BFSP2: variants seen among roughly 807,000 people sequenced by gnomAD.
The protein encoded by BFSP2 is beaded filament structural protein 2.
In BFSP2, 38 loss-of-function variants were observed where a neutral mutation model predicts 44.9. The ratio of observed to expected loss-of-function variants is 0.85; its 90% CI spans 0.65 to 1.11. The LOEUF (loss-of-function observed/expected upper bound fraction) is 1.11. BFSP2 is among the 50% of genes least tolerant of loss of function. The pLI is 0.00. For synonymous variants in BFSP2, 197 were observed against 209.9 expected (o/e 0.94, Z 0.53); for missense variants, 525 against 533.0 (o/e 0.99, Z 0.15).
chr3:133,470,814 G>A (rs570398598), intron 5 of BFSP2, among the ~76,000 whole-genome samples: 1 of 152,216 alleles, frequency 6.6e-6, no homozygotes, highest in Non-Finnish European at 1.5e-5. Context: ...ACTGTGATAA[G>A]TTCAAGAGCA....
rs115948875 is a variant in BFSP2, at chr3:133,460,403, G to C, written c.892-6425G>C. Among the ~76,000 whole-genome samples the C allele has an allele frequency of 2.9e-3, 436 of 152,224 alleles. 3 individuals are homozygous for C. Among genetic ancestry groups the C allele is most frequent in the African/African-American group, 0.01 (425 of 41,542 alleles). On this transcript the variant is annotated intron_variant, in intron 4 of 6. Coordinates refer to ENST00000302334, the MANE Select transcript of BFSP2 (RefSeq NM_003571.4). ...TTTGAACTGGACAGACCACATGAATGGGGGGACCTTAATTTGGTTTTTAAA... is the reference window on the plus strand; with the variant it reads ...TTTGAACTGGACAGACCACATGAATCGGGGGACCTTAATTTGGTTTTTAAA...
At chr3:133,406,766 T>A (rs2073408192) in intron 1 of BFSP2, among the ~76,000 whole-genome samples, 1 of 151,950 alleles carries the variant, frequency 6.6e-6, no homozygotes, top group South Asian at 2.1e-4. Context: ...GTCAATATGA[T>A]TAGACAAGAG....
intron 6 of BFSP2, 88 bp from the exon 7 acceptor site, chr3:133,474,881 A>AGATG: frequency 6.5e-7 from 1 of 1,526,952 alleles, no homozygotes; most frequent in Non-Finnish European, 9.1e-7. Context: ...TTCTTTCATG[A>AGATG]GATGGCCCCC....
chr3:133,433,118 C>G (rs557436640), intron 1 of BFSP2, among the ~76,000 whole-genome samples: 2 of 152,304 alleles, frequency 1.3e-5, no homozygotes, highest in African/African-American at 4.8e-5. Flanking sequence ...TACTATTGTT[C>G]CTGGCCAGGA....
At chr3:133,423,570 G>A (rs2073614378) in intron 1 of BFSP2, among the ~76,000 whole-genome samples, 1 of 149,802 alleles carries the variant, frequency 6.7e-6, no homozygotes, top group Admixed American at 6.6e-5. Context: ...GGCGGCGGGG[G>A]CGGGGGTAGG....
At chr3:133,428,593 C>T (rs780361563) in intron 1 of BFSP2, among the ~76,000 whole-genome samples, 1 of 152,200 alleles carries the variant, frequency 6.6e-6, no homozygotes, top group Non-Finnish European at 1.5e-5. Flanking sequence ...AGGTCCCACG[C>T]GAATTTCTGA....
chr3:133,452,274 C>T (rs1260021402), intron 4 of BFSP2, among the ~76,000 whole-genome samples: 1 of 152,234 alleles, frequency 6.6e-6, no homozygotes, highest in East Asian at 1.9e-4. Context: ...GCAGGGTCTT[C>T]ATCAATTCTG....
intron 1 of BFSP2, among the ~76,000 whole-genome samples, chr3:133,444,123 T>A (rs2073871754): frequency 6.6e-6 from 1 of 151,796 alleles, no homozygotes; most frequent in African/African-American, 2.4e-5. Flanking sequence ...TACATATATA[T>A]ATATCAAGCC....
At chr3:133,406,691 G>A (rs2107876881) in intron 1 of BFSP2, among the ~76,000 whole-genome samples, 1 of 152,102 alleles carries the variant, frequency 6.6e-6, no homozygotes, top group Non-Finnish European at 1.5e-5. Flanking sequence ...GGAAACACTA[G>A]GCCTTCCACA....
intron 1 of BFSP2, among the ~76,000 whole-genome samples, chr3:133,422,294 C>T (rs1449978500): frequency 1.3e-5 from 2 of 152,122 alleles, no homozygotes; most frequent in African/African-American, 4.8e-5. Flanking sequence ...GTTTTCTTAA[C>T]TGTTAGATAA....
At chr3:133,421,061 T>A (rs370442137) in intron 1 of BFSP2, among the ~76,000 whole-genome samples, 76 of 152,314 alleles carry the variant, frequency 5.0e-4, no homozygotes, top group African/African-American at 1.8e-3. Flanking sequence ...TGGCTGGAGA[T>A]AATGCATGTA....
At chr3:133,459,746 G>C (rs2074045078) in intron 4 of BFSP2, among the ~76,000 whole-genome samples, 1 of 152,230 alleles carries the variant, frequency 6.6e-6, no homozygotes, top group South Asian at 2.1e-4. Flanking sequence ...AAGGTCGGGA[G>C]TGTGTGCTGC....
intron 1 of BFSP2, among the ~76,000 whole-genome samples, chr3:133,444,225 G>C (rs1229837142): frequency 6.6e-6 from 1 of 151,916 alleles, no homozygotes; most frequent in Non-Finnish European, 1.5e-5. Context: ...AAATTCATTC[G>C]ACATTCATTG....
At chr3:133,467,280 A>G (rs1444427659) in intron 5 of BFSP2, among the ~76,000 whole-genome samples, 1 of 152,206 alleles carries the variant, frequency 6.6e-6, no homozygotes, top group Non-Finnish European at 1.5e-5. Flanking sequence ...CACCTGGCCC[A>G]GAAGGTTAGG....
At chr3:133,412,208 G>A (rs1694618257) in intron 1 of BFSP2, 1 of 152,218 alleles carries the variant, frequency 6.6e-6, no homozygotes, top group African/African-American at 2.4e-5. Flanking sequence ...TATAATCAAG[G>A]AAGCTGGGTG....
At chr3:133,457,758 T>G (rs367617904) in intron 4 of BFSP2, among the ~76,000 whole-genome samples, 4 of 152,148 alleles carry the variant, frequency 2.6e-5, no homozygotes, top group Non-Finnish European at 5.9e-5. Context: ...ACTACACAAG[T>G]GGAGTTCAAT....
At chr3:133,424,216 T>TGTGTGTGTGTG (rs1559963358) in intron 1 of BFSP2, among the ~76,000 whole-genome samples, 8 of 49,416 alleles carry the variant, frequency 1.6e-4, no homozygotes, top group African/African-American at 2.5e-4. Flanking sequence ...CAGCTAATTT[T>TGTGTGTGTGTG]TTTTTTTTTT....
intron 1 of BFSP2, among the ~76,000 whole-genome samples, chr3:133,425,515 G>T (rs2073635732): frequency 6.6e-6 from 1 of 152,166 alleles, no homozygotes; most frequent in Non-Finnish European, 1.5e-5. Flanking sequence ...TGATTTTTCT[G>T]ATCACTTGCA....
intron 4 of BFSP2, among the ~76,000 whole-genome samples, chr3:133,459,623 C>T (rs2107934595): frequency 6.6e-6 from 1 of 152,320 alleles, no homozygotes; most frequent in East Asian, 1.9e-4. Flanking sequence ...GTTGAAGTTT[C>T]ATTGAGTGAG....
Sources: gnomAD v4.1 joint callset for allele counts (sites outside exome capture counted in the v4.1 genomes callset) on GRCh38, gnomAD v4.1.1 for gene constraint, MANE v1.5 for transcripts, NCBI Gene and HGNC (gene_info 2026-07-23, HGNC 2026-07-21) for gene names.